Variants in DPY19L1 observed in about 807,000 individuals in gnomAD.
DPY19L1 encodes dpy-19 like C-mannosyltransferase 1, also known as protein C-mannosyl-transferase DPY19L1.
Under a neutral mutation model 96.9 loss-of-function variants are expected in DPY19L1, and 35 were observed. That is an observed-to-expected ratio of 0.36 (90% CI 0.28 to 0.48). The LOEUF is 0.48. Among genes scored for constraint, DPY19L1 ranks in the 20% least tolerant of loss-of-function variants. The pLI, the probability that DPY19L1 is intolerant of heterozygous loss-of-function variation, is 0.99. For synonymous variants in DPY19L1, 205 were observed against 252.6 expected, an observed-to-expected ratio of 0.81 and a Z score of 1.79; for missense variants, 521 against 777.9, an observed-to-expected ratio of 0.67 and a Z score of 3.93.
chr7:34,979,292 G>A (rs1784891462), intron 7 of DPY19L1, among the ~76,000 whole-genome samples: 2 of 151,958 alleles, frequency 1.3e-5, no homozygotes, highest in Non-Finnish European at 2.9e-5. Flanking sequence ...TTTATCATGT[G>A]GTTATAAACT....
rs762346508 is a variant in DPY19L1 at position 34,929,991 on chromosome 7, T to C, written c.*1582A>G. The C allele has an allele frequency of 3.3e-5, 5 of 152,250 alleles. No homozygotes were observed. Among genetic ancestry groups the C allele is most frequent in the Non-Finnish European group, 7.3e-5 (5 of 68,098 alleles). 9.4% of individuals were successfully genotyped at this position (152,250 alleles called of 1,614,324 possible). On this transcript the variant is annotated 3_prime_UTR_variant, in exon 22 of 22. Transcript: ENST00000638088. Reference sequence around the variant, plus strand: ...TCTCTGAGGGCACACTCCTCAGCCTTTGCAGCTGACTTATGTCAGCAAGCT... The same window carrying C: ...TCTCTGAGGGCACACTCCTCAGCCTCTGCAGCTGACTTATGTCAGCAAGCT...
intron 1 of DPY19L1, among the ~76,000 whole-genome samples, chr7:35,020,451 T>C (rs1785969440): frequency 6.6e-6 from 1 of 152,192 alleles, no homozygotes; most frequent in African/African-American, 2.4e-5. Flanking sequence ...TCTTCAATTG[T>C]TCAAACTGTT....
Position 34,956,644 on chromosome 7 carries a change from C to T in DPY19L1, c.1180-1277G>A, listed in dbSNP as rs189601524. On this transcript the variant is annotated intron_variant, in intron 11 of 21. Transcript: ENST00000638088. ...TCAGCCTCCTGAGTAGCTGGGACTA[C>T]AGGCGCCCGCCACCATGCCCGGCTA... Among the ~76,000 whole-genome samples, 694 of 151,890 alleles carry T rather than the reference C, an allele frequency of 4.6e-3. 10 individuals are homozygous for T. The highest frequency in any genetic ancestry group is 0.015 in the African/African-American group (637 of 41,396).
At chr7:35,032,408 C>T (rs1295391295) in intron 1 of DPY19L1, among the ~76,000 whole-genome samples, 1 of 152,120 alleles carries the variant, frequency 6.6e-6, no homozygotes, top group Non-Finnish European at 1.5e-5. Context: ...ATGGTGAGGA[C>T]TGAGTAAACA....
intron 13 of DPY19L1, among the ~76,000 whole-genome samples, chr7:34,954,178 A>G (rs1363951463): frequency 1.3e-5 from 2 of 152,312 alleles, no homozygotes; most frequent in Admixed American, 6.5e-5. Flanking sequence ...CTTTAAAATT[A>G]TAAGACAGAC....
intron 7 of DPY19L1, among the ~76,000 whole-genome samples, chr7:34,988,721 C>G (rs1294875015): frequency 6.6e-6 from 1 of 152,058 alleles, no homozygotes; most frequent in Non-Finnish European, 1.5e-5. Flanking sequence ...GCAAGCTGAC[C>G]TTTATTCTTT....
chr7:34,977,026 T>C (rs1223975329), intron 7 of DPY19L1, among the ~76,000 whole-genome samples: 2 of 152,070 alleles, frequency 1.3e-5, no homozygotes, highest in Non-Finnish European at 2.9e-5. Flanking sequence ...TGACCTCAGG[T>C]GATCCGCCTG....
At chr7:35,036,105 C>G (rs1325964782) in intron 1 of DPY19L1, among the ~76,000 whole-genome samples, 1 of 152,080 alleles carries the variant, frequency 6.6e-6, no homozygotes, top group African/African-American at 2.4e-5. Context: ...TGGCTGTGAT[C>G]TCAGGGGAAG....
chr7:35,006,477 T>C (rs1265019994), intron 6 of DPY19L1, among the ~76,000 whole-genome samples: 1 of 152,192 alleles, frequency 6.6e-6, no homozygotes, highest in South Asian at 2.1e-4. Flanking sequence ...CAACAACCAA[T>C]GCTCCTTCTT....
chr7:34,983,085 A>C (rs1018041006), intron 7 of DPY19L1, among the ~76,000 whole-genome samples: 1 of 152,188 alleles, frequency 6.6e-6, no homozygotes, highest in Admixed American at 6.5e-5. Context: ...AAACTATACT[A>C]CTGCCCTGCT....
rs191040176 is a variant in DPY19L1 at position 34,964,629 on chromosome 7, C to T, written c.1092+2265G>A. On this transcript the variant is annotated intron_variant, in intron 10 of 21. Transcript: ENST00000638088. ...ACCGATTGAAGAGGGGGAAATACAC[C>T]GATTCATCTAAACAGATGTAGTAAA... 3.3e-4 allele frequency among the ~76,000 whole-genome samples: 50 copies of T among 152,098 alleles called. 1 individual carries two copies. Among genetic ancestry groups the T allele is most frequent in the South Asian group, 1.9e-3 (9 of 4,812 alleles).
At chr7:34,956,569 C>T (rs978505532) in intron 11 of DPY19L1, among the ~76,000 whole-genome samples, 4 of 150,810 alleles carry the variant, frequency 2.7e-5, no homozygotes, top group East Asian at 2.0e-4. Flanking sequence ...TGTAGTGGCG[C>T]GATCTCAGCT....
chr7:34,941,790 A>G lies in DPY19L1; in HGVS notation c.1664T>C (p.Met555Thr), dbSNP rs573539004. ...CTGTCTTGAGCAGATCAGTGATGCC[A>G]TAACACACATGTGTGGTGTCAAGAA... ...KLFLTPHMCV[M>T]ASLICSRQLF... Residue 555 changes from methionine (M) to threonine (T), a missense_variant, in exon 18 of 22, where the codon ATG (methionine) becomes ACG (threonine). Physicochemically the swap from Met to Thr is moderately conservative, Grantham distance 81. Transcript: ENST00000638088. 13 of 1,598,746 alleles carry G rather than the reference A, an allele frequency of 8.1e-6. No individual in the cohort carries two copies. The highest frequency in any genetic ancestry group is 4.1e-5 in the African/African-American group (3 of 74,026).
intron 13 of DPY19L1, among the ~76,000 whole-genome samples, chr7:34,953,119 T>C (rs1049358644): frequency 3.3e-5 from 5 of 152,156 alleles, no homozygotes; most frequent in African/African-American, 1.2e-4. Context: ...TCAGAGGCAC[T>C]ATCAGTAAAA....
intron 7 of DPY19L1, among the ~76,000 whole-genome samples, chr7:34,985,652 T>G (rs1260389190): frequency 6.6e-6 from 1 of 152,030 alleles, no homozygotes; most frequent in Non-Finnish European, 1.5e-5. Flanking sequence ...AGAAAGGCTA[T>G]TATCAAAAAA....
chr7:35,024,819 A>T (rs1158195312), intron 1 of DPY19L1, among the ~76,000 whole-genome samples: 2 of 152,248 alleles, frequency 1.3e-5, no homozygotes, highest in East Asian at 3.8e-4. Flanking sequence ...AGTTACACAC[A>T]TACCAGTTTC....
intron 6 of DPY19L1, among the ~76,000 whole-genome samples, chr7:34,997,436 CAAAA>C (rs397836742): frequency 3.3e-3 from 300 of 91,938 alleles, no homozygotes; most frequent in African/African-American, 4.2e-3. Flanking sequence ...ACTAAAAATA[CAAAA>C]AAAAAAAAAA....
chr7:34,960,036 T>C (rs1784470633), intron 10 of DPY19L1, among the ~76,000 whole-genome samples: 1 of 150,066 alleles, frequency 6.7e-6, no homozygotes, highest in Admixed American at 6.7e-5. Flanking sequence ...GTATTATGGT[T>C]ATTTTCTAAA....
rs140624659 is a variant in DPY19L1, at chr7:34,963,401, G to A, written c.1092+3493C>T. ...TGTTTACAGGAATGTAAAATGTACCGCTACTATGGAAAAGTTTGGCAGTTC... is the reference window on the plus strand; with the variant it reads ...TGTTTACAGGAATGTAAAATGTACCACTACTATGGAAAAGTTTGGCAGTTC... On this transcript the variant is annotated intron_variant, in intron 10 of 21. Transcript: ENST00000638088. Among the ~76,000 whole-genome samples, 15 of 152,234 alleles carry A rather than the reference G, an allele frequency of 9.9e-5. No individual in the cohort carries two copies. In the East Asian group the frequency reaches 1.9e-3, roughly 20 times the overall value.
Sources: gnomAD v4.1 joint callset for allele counts (sites outside exome capture counted in the v4.1 genomes callset) on GRCh38, gnomAD v4.1.1 for gene constraint, MANE v1.5 for transcripts, NCBI Gene and HGNC (gene_info 2026-07-23, HGNC 2026-07-21) for gene names.